The following TEP1 variants were observed in gnomAD, a reference collection of about 807,000 sequenced individuals.
The protein encoded by TEP1 is telomerase protein component 1.
A neutral mutation model predicts 306.3 loss-of-function variants in TEP1; 241 were observed. The observed-to-expected ratio is 0.79, with a 90% confidence interval of 0.71 to 0.88. TEP1 has a LOEUF of 0.88. Ranked by LOEUF, TEP1 falls within the 40% of genes least tolerant of loss-of-function variation. The pLI is 0.00. For synonymous variants in TEP1, 1,289 were observed against 1,305.5 expected (o/e 0.99, Z 0.27); for missense variants, 3,051 against 3,276.1 (o/e 0.93, Z 1.68).
intron 1 of TEP1, among the ~76,000 whole-genome samples, chr14:20,410,782 C>A (rs1879607031): frequency 8.3e-6 from 1 of 120,502 alleles, no homozygotes. Context: ...AGCCCACTTG[C>A]TAATTGTTTC....
At chr14:20,391,210 TA>T (rs2139114611) in intron 13 of TEP1, 114 bp from the exon 14 acceptor site, 2 of 1,143,804 alleles carry the variant, frequency 1.7e-6, no homozygotes, top group Admixed American at 2.5e-5. Context: ...AGAAAAAGTG[TA>T]AAATCCCAAG....
chr14:20,395,768 G>A, intron 11 of TEP1, 91 bp downstream of exon 11: 2 of 1,517,258 alleles, frequency 1.3e-6, no homozygotes, highest in Non-Finnish European at 1.8e-6. Context: ...CCCTGAGACT[G>A]CAAAGCAAGA....
At chr14:20,412,680 CTTTTT>C (rs10717377) in intron 1 of TEP1, among the ~76,000 whole-genome samples, 9 of 105,398 alleles carry the variant, frequency 8.5e-5, no homozygotes, top group Non-Finnish European at 1.5e-4. Context: ...TCACTCTTTC[CTTTTT>C]TTTTTTTTTT....
chr14:20,407,561 G>A (rs1879275297), intron 2 of TEP1, among the ~76,000 whole-genome samples: 1 of 152,114 alleles, frequency 6.6e-6, no homozygotes, highest in African/African-American at 2.4e-5. Flanking sequence ...GGCTGGTCTC[G>A]AACTCCTGGA....
At position 20,402,574 on chromosome 14, in the gene TEP1, C is replaced by T. The variant is rs372980013; in HGVS notation, c.1266+803G>A. 3.3e-3 allele frequency among the ~76,000 whole-genome samples: 497 copies of T among 152,136 alleles called. 2 individuals carry two copies. Among genetic ancestry groups the T allele is most frequent in the African/African-American group, 0.012 (484 of 41,504 alleles). On this transcript the variant is annotated intron_variant, in intron 7 of 54. Coordinates refer to ENST00000262715, the MANE Select transcript of TEP1 (RefSeq NM_007110.5). ...TAACTTATTTAATCTTTATGACAAC[C>T]TAACAATGTAGGTTCTGCTTTTATT...
At position 20,381,100 on chromosome 14, in the gene TEP1, C is replaced by G; in HGVS notation, c.4648-55G>C. The G allele has an allele frequency of 6.9e-7, 1 of 1,446,014 alleles. No individual in the cohort carries two copies. The highest frequency in any genetic ancestry group is 9.7e-7 in the Non-Finnish European group (1 of 1,028,392). The allele number at this position is 1,446,014 out of a possible 1,614,324, so 89.6% of individuals were successfully genotyped here. On this transcript the variant is annotated intron_variant, in intron 32 of 54. Coordinates refer to ENST00000262715, the MANE Select transcript of TEP1 (RefSeq NM_007110.5). This position sits in a 1 kb window ranked among gnomAD's most constrained non-coding sequence, Gnocchi z 4.0. The stretch of plus-strand genomic sequence containing the variant: ...ATATGAAGGGGCTGGTGAGAAGGGA[C>G]AGTTTAGTCTCAGAACCTGGATACA...
chr14:20,388,148 A>T, intron 17 of TEP1, 85 bp from the exon 18 acceptor site: 1 of 1,493,058 alleles, frequency 6.7e-7, no homozygotes. Context: ...GGGGAAAAAG[A>T]TATGTCCAGG....
chr14:20,379,791 G>A, intron 35 of TEP1, 139 bp downstream of exon 35: 1 of 1,166,628 alleles, frequency 8.6e-7, no homozygotes, highest in East Asian at 2.6e-5. Flanking sequence ...TTTTGGCCAA[G>A]CCCTTTGAGC....
At chr14:20,389,404 G>T in intron 16 of TEP1, 107 bp from the exon 17 acceptor site, 1 of 1,458,310 alleles carries the variant, frequency 6.9e-7, no homozygotes, top group Non-Finnish European at 9.6e-7. Context: ...CCTTTAATAG[G>T]GTTATGTGGT....
At chr14:20,387,551 C>CAAAAAAAAAAAAAAAAAAAAAA (rs34816712) in intron 18 of TEP1, among the ~76,000 whole-genome samples, 5 of 127,698 alleles carry the variant, frequency 3.9e-5, no homozygotes, top group Admixed American at 7.5e-5. Context: ...GACTCCGTCT[C>CAAAAAAAAAAAAAAAAAAAAAA]AAAAAAAAAA....
chr14:20,391,876 C>T (rs944366633), intron 12 of TEP1, 109 bp from the exon 13 acceptor site: 14 of 1,231,700 alleles, frequency 1.1e-5, no homozygotes, highest in African/African-American at 1.5e-5. Flanking sequence ...CTCCCTCCCT[C>T]AAGCACCATA....
Position 20,378,227 on chromosome 14 carries a change from C to CT in TEP1, c.5517_5518insA (p.Ala1840SerfsTer101). On this transcript the variant is annotated frameshift_variant, in exon 39 of 55. Coordinates refer to ENST00000262715, the MANE Select transcript of TEP1 (RefSeq NM_007110.5). LOFTEE classifies it high-confidence loss of function. ...AAGGTACGGATAGAGGCTCCGGGTG[C>CT]CCCCAGGTCCTACACAGGGAGGTAG... 6.2e-7 allele frequency: 1 copy of CT among 1,613,312 alleles called. No homozygotes were observed. Among genetic ancestry groups the CT allele is most frequent in the Non-Finnish European group, 8.5e-7 (1 of 1,179,996 alleles).
intron 13 of TEP1, 138 bp from the exon 14 acceptor site, chr14:20,391,234 A>G (rs1877694926): frequency 2.3e-6 from 2 of 887,494 alleles, no homozygotes; most frequent in Non-Finnish European, 1.7e-6. Context: ...AGGAGGGGTC[A>G]GCTTCAGCAG....
At position 20,386,093 on chromosome 14, in the gene TEP1, G is replaced by A; in HGVS notation, c.2964C>T (p.Asp988=). Residue 988 remains aspartate (D), a synonymous_variant, in exon 20 of 55, where the codon GAC becomes GAT. Transcript: ENST00000262715. ...GYIPPSYNLP[D]HPHFHWAQQY... is the part of the protein sequence containing the mutation. ...GCCTTACCCAGTGGAAGTGTGGATGGTCAGGAAGGTTGTAGCTGGGGGGAA... is the reference window on the plus strand; with the variant it reads ...GCCTTACCCAGTGGAAGTGTGGATGATCAGGAAGGTTGTAGCTGGGGGGAA... 1.2e-6 allele frequency: 2 copies of A among 1,611,686 alleles called. No individual in the cohort carries two copies. The highest frequency in any genetic ancestry group is 1.7e-6 in the Non-Finnish European group (2 of 1,179,100).
chr14:20,386,369 C>T (rs1291075834), intron 19 of TEP1, 78 bp downstream of exon 19: 1 of 1,571,400 alleles, frequency 6.4e-7, no homozygotes, highest in African/African-American at 1.4e-5. Flanking sequence ...TTCTTGCAGC[C>T]CCAACCATGC....
intron 2 of TEP1, 86 bp downstream of exon 2, chr14:20,407,787 C>G (rs1879298792): frequency 2.4e-6 from 3 of 1,241,086 alleles, no homozygotes; most frequent in Non-Finnish European, 1.1e-6. Flanking sequence ...CAGAGCAGCA[C>G]AGAGGGAAAC....
chr14:20,407,797 C>G (rs1238448011), intron 2 of TEP1, 76 bp downstream of exon 2: 2 of 1,309,844 alleles, frequency 1.5e-6, no homozygotes, highest in Non-Finnish European at 2.1e-6. Context: ...CAGAGGGAAA[C>G]TGAGACACTG....
At position 20,389,616 on chromosome 14, in the gene TEP1, T is replaced by C. The variant is rs1225976608; in HGVS notation, c.2459A>G (p.Gln820Arg). 5.0e-6 allele frequency: 8 copies of C among 1,614,180 alleles called. No individual in the cohort carries two copies. The highest frequency in any genetic ancestry group is 5.9e-6 in the Non-Finnish European group (7 of 1,180,014). Reference protein sequence around the residue: ...LFVGILLRRVQYLSTDLNPND... With the variant: ...LFVGILLRRVRYLSTDLNPND... ...GAAGTATAAGCACCCTTACAGGTAT[T>C]GTACCCTTCTTAGGAGGATACCAAC... The change falls in exon 16 of 55, where the codon CAA (glutamine) becomes CGA (arginine). Residue 820 changes from glutamine to arginine, a missense_variant. This residue lies in a region of TEP1 where 1,507 missense variants were observed against 1,550.5 expected (regional missense o/e 0.97). Transcript: ENST00000262715.
chr14:20,384,799 C>A, intron 21 of TEP1, 86 bp from the exon 22 acceptor site: 2 of 1,494,094 alleles, frequency 1.3e-6, no homozygotes, highest in East Asian at 4.5e-5. Context: ...GCTGTAATTT[C>A]CTGAAGCTCC....
Sources: allele counts gnomAD v4.1 joint callset (sites outside exome capture counted in the v4.1 genomes callset), GRCh38; gene constraint gnomAD v4.1.1; regional missense constraint gnomAD v4.1.1; non-coding constraint Gnocchi (gnomAD v3.1); transcripts MANE v1.5; gene names NCBI Gene and HGNC (gene_info 2026-07-23, HGNC 2026-07-21).